MAST4: variants seen among roughly 807,000 people sequenced by gnomAD.
MAST4 encodes the protein microtubule-associated serine/threonine-protein kinase 4.
Under a neutral mutation model 162.7 loss-of-function variants are expected in MAST4, and 89 were observed. The observed-to-expected ratio is 0.55, with a 90% CI of 0.46 to 0.65. The LOEUF (loss-of-function observed/expected upper bound fraction) is 0.65. Among genes scored for constraint, MAST4 ranks in the 30% least tolerant of loss-of-function variants. The probability of loss-of-function intolerance (pLI) is 0.00; values close to 1 mark genes in which losing one functional copy is unlikely to be tolerated. For synonymous variants in MAST4, 1,479 were observed against 1,361.1 expected (o/e 1.09, Z -1.91); for missense variants, 3,153 against 3,374.0 (o/e 0.93, Z 1.62).
intron 2 of MAST4, among the ~76,000 whole-genome samples, chr5:66,767,607 TAC>T (rs375471494): frequency 6.6e-6 from 1 of 151,496 alleles, no homozygotes; most frequent in Non-Finnish European, 1.5e-5. Flanking sequence ...AGGATATATA[TAC>T]ACACACACAC....
chr5:66,862,515 G>A (rs1760192656), intron 3 of MAST4, among the ~76,000 whole-genome samples: 3 of 152,198 alleles, frequency 2.0e-5, no homozygotes, highest in South Asian at 4.1e-4. Context: ...GAATCGATAT[G>A]TAATGTTTTA....
intron 4 of MAST4, among the ~76,000 whole-genome samples, chr5:66,993,509 G>T (rs1750274658): frequency 6.6e-6 from 1 of 152,226 alleles, no homozygotes; most frequent in South Asian, 2.1e-4. Context: ...TCATTGGGGA[G>T]CCAGGAGAAA....
chr5:66,861,136 G>C (rs1260251518), intron 3 of MAST4, among the ~76,000 whole-genome samples: 1 of 152,238 alleles, frequency 6.6e-6, no homozygotes, highest in Non-Finnish European at 1.5e-5. Context: ...TTTCGGTGAA[G>C]ATGGGGGATC....
intron 1 of MAST4, among the ~76,000 whole-genome samples, chr5:66,621,517 A>C (rs1182809011): frequency 6.6e-6 from 1 of 152,166 alleles, no homozygotes; most frequent in Non-Finnish European, 1.5e-5. Flanking sequence ...ATATCTTCTT[A>C]TTTACTTGAG....
intron 4 of MAST4, among the ~76,000 whole-genome samples, chr5:67,046,896 A>T (rs1424805268): frequency 6.6e-6 from 1 of 152,212 alleles, no homozygotes; most frequent in African/African-American, 2.4e-5. Flanking sequence ...AGAAAAGTTA[A>T]GGTCAAGTAT....
At chr5:67,147,642 G>A (rs1266661906) in intron 23 of MAST4, among the ~76,000 whole-genome samples, 2 of 152,174 alleles carry the variant, frequency 1.3e-5, no homozygotes, top group African/African-American at 2.4e-5. Flanking sequence ...TTTTATACTT[G>A]TCAGTGATCC....
At chr5:66,673,530 G>GT (rs11376867) in intron 1 of MAST4, among the ~76,000 whole-genome samples, 3,123 of 106,430 alleles carry the variant, frequency 0.029, 61 homozygotes, top group African/African-American at 0.048. Flanking sequence ...TTTGTTTTTT[G>GT]TTTTTTTTTT....
intron 1 of MAST4, among the ~76,000 whole-genome samples, chr5:66,726,747 A>G (rs1751546466): frequency 6.6e-6 from 1 of 152,080 alleles, no homozygotes; most frequent in South Asian, 2.1e-4. Context: ...CTCCTGTCAG[A>G]TCAGTGGCAT....
chr5:67,088,729 T>C (rs1763524451), intron 5 of MAST4, among the ~76,000 whole-genome samples: 1 of 152,194 alleles, frequency 6.6e-6, no homozygotes, highest in African/African-American at 2.4e-5. Context: ...ATAAATTTCA[T>C]TGCAGCAGGG....
At chr5:67,008,513 G>A (rs895270017) in intron 4 of MAST4, among the ~76,000 whole-genome samples, 1 of 152,134 alleles carries the variant, frequency 6.6e-6, no homozygotes, top group Non-Finnish European at 1.5e-5. Context: ...TTTTGAGTTG[G>A]GCCTTTAGTT....
At chr5:66,809,590 G>T (rs1461515671) in intron 3 of MAST4, among the ~76,000 whole-genome samples, 2 of 152,062 alleles carry the variant, frequency 1.3e-5, no homozygotes, top group Non-Finnish European at 2.9e-5. Flanking sequence ...TATAAGAAGT[G>T]ATATGTATAC....
At chr5:66,969,861 C>T (rs956432475) in intron 4 of MAST4, among the ~76,000 whole-genome samples, 8 of 152,158 alleles carry the variant, frequency 5.3e-5, no homozygotes, top group South Asian at 2.1e-4. Flanking sequence ...TCTATTTTTC[C>T]GCCTTTCACT....
chr5:66,613,098 A>G (rs944981262), intron 1 of MAST4, among the ~76,000 whole-genome samples: 9 of 152,146 alleles, frequency 5.9e-5, no homozygotes, highest in African/African-American at 2.2e-4. Context: ...TTATATTTAA[A>G]TAGAGACAGG....
intron 4 of MAST4, among the ~76,000 whole-genome samples, chr5:66,922,739 T>A (rs940738356): frequency 1.3e-5 from 2 of 152,206 alleles, no homozygotes; most frequent in Non-Finnish European, 2.9e-5. Flanking sequence ...TAAGGATATT[T>A]TAAATATAAT....
intron 4 of MAST4, among the ~76,000 whole-genome samples, chr5:67,051,272 T>C (rs1187357264): frequency 6.6e-6 from 1 of 151,748 alleles, no homozygotes; most frequent in Non-Finnish European, 1.5e-5. Flanking sequence ...ATGTTTCCAC[T>C]GTTTTATCAT....
At chr5:67,035,770 C>G (rs1436723263) in intron 4 of MAST4, among the ~76,000 whole-genome samples, 1 of 152,180 alleles carries the variant, frequency 6.6e-6, no homozygotes, top group Non-Finnish European at 1.5e-5. Context: ...TCTTCCACCC[C>G]TTGGAGTCCG....
intron 5 of MAST4, among the ~76,000 whole-genome samples, chr5:67,071,538 TC>T (rs1283462994): frequency 1.3e-5 from 2 of 152,022 alleles, no homozygotes; most frequent in Admixed American, 1.3e-4. Context: ...GCGGGGTGTA[TC>T]ACCTGAGGTC....
chr5:67,058,791 G>A (rs564945342), intron 5 of MAST4, among the ~76,000 whole-genome samples: 6 of 152,296 alleles, frequency 3.9e-5, no homozygotes, highest in East Asian at 3.9e-4. Flanking sequence ...ATTGTTTAGC[G>A]AATAAGAAAG....
chr5:66,791,711 C>G (rs1054269314), intron 3 of MAST4, among the ~76,000 whole-genome samples: 1 of 152,084 alleles, frequency 6.6e-6, no homozygotes, highest in Non-Finnish European at 1.5e-5. Flanking sequence ...GGCACAGAAG[C>G]CAGAATGTGA....
Sources: gnomAD v4.1 joint callset for allele counts (sites outside exome capture counted in the v4.1 genomes callset) on GRCh38, gnomAD v4.1.1 for gene constraint, MANE v1.5 for transcripts, NCBI Gene and HGNC (gene_info 2026-07-23, HGNC 2026-07-21) for gene names.